CCNG2: variants seen among roughly 807,000 people sequenced by gnomAD.
The protein encoded by CCNG2 is cyclin-G2.
A neutral mutation model predicts 36.5 loss-of-function variants in CCNG2; 20 were observed. The observed-to-expected ratio is 0.55, with a 90% CI of 0.39 to 0.80. CCNG2 has a LOEUF of 0.80. CCNG2 is among the 30% of genes least tolerant of loss of function. CCNG2 has a pLI of 0.00. For synonymous variants in CCNG2, 155 were observed against 140.1 expected, an observed-to-expected ratio of 1.11 and a Z score of -0.75; for missense variants, 358 against 390.8, an observed-to-expected ratio of 0.92 and a Z score of 0.71.
rs1731659514 is a variant in CCNG2, at chr4:77,167,562, G to A, written c.*1638G>A. 6.6e-6 allele frequency: 1 copy of A among 152,210 alleles called. No homozygotes were observed. The highest frequency in any genetic ancestry group is 2.4e-5 in the African/African-American group (1 of 41,454). 9.4% of individuals were successfully genotyped at this position (152,210 alleles called of 1,614,324 possible). On this transcript the variant is annotated 3_prime_UTR_variant, in exon 8 of 8. Coordinates refer to ENST00000316355, the MANE Select transcript of CCNG2 (RefSeq NM_004354.3). Reference sequence around the variant, plus strand: ...AAAGCAAGTTTTAATCAGTTGTTTGGTTAATAAGTATGGGGTGTTCGCTGT... The same window carrying A: ...AAAGCAAGTTTTAATCAGTTGTTTGATTAATAAGTATGGGGTGTTCGCTGT...
At position 77,166,531 on chromosome 4, in the gene CCNG2, G is replaced by T. The variant is rs1731638769; in HGVS notation, c.*607G>T. The T allele has an allele frequency of 6.6e-6, 1 of 152,128 alleles. No individual in the cohort carries two copies. The allele number at this position is 152,128 out of a possible 1,614,324, so 9.4% of individuals were successfully genotyped here. ...TTTATATATGTAATGTCTTAATTGA[G>T]ATTTCTGTTAAGGCAGAAATAATTA... On this transcript the variant is annotated 3_prime_UTR_variant, in exon 8 of 8. Coordinates refer to ENST00000316355, the MANE Select transcript of CCNG2 (RefSeq NM_004354.3).
intron 4 of CCNG2, 74 bp from the exon 5 acceptor site, chr4:77,161,406 C>T: frequency 8.1e-7 from 1 of 1,228,484 alleles, no homozygotes; most frequent in Non-Finnish European, 1.2e-6. Flanking sequence ...CTGGCCCTGG[C>T]AAATATTTAA....
In CCNG2 at chr4:77,160,803, C is replaced by T. The variant is rs1254956011; in HGVS notation, c.359C>T (p.Pro120Leu). ...ARIVEEDCNI[P>L]STHDVIRISQ... ...ATAGTTGAAGAAGACTGCAATATTCCATCCACTCATGATGTGATCCGGATT... is the reference window on the plus strand; with the variant it reads ...ATAGTTGAAGAAGACTGCAATATTCTATCCACTCATGATGTGATCCGGATT... Residue 120 changes from proline to leucine, a missense_variant, in exon 4 of 8, where the codon CCA (proline) becomes CTA (leucine). By Grantham distance (98) the Pro-to-Leu change is moderately conservative (BLOSUM62 -3). Transcript: ENST00000316355. 1.2e-6 allele frequency: 2 copies of T among 1,613,740 alleles called. No homozygotes were observed. Among genetic ancestry groups the T allele is most frequent in the Non-Finnish European group, 1.7e-6 (2 of 1,179,744 alleles).
Position 77,164,481 on chromosome 4 carries a change from T to G in CCNG2, c.911+2T>G, listed in dbSNP as rs921143095. On this transcript the variant is annotated splice_donor_variant, in intron 7 of 7. Coordinates refer to ENST00000316355, the MANE Select transcript of CCNG2 (RefSeq NM_004354.3). LOFTEE classifies it high-confidence loss of function. ...GGGTTGTTTTGATGAAAGTGAAAGG[T>G]AGGCAGGTTCCTTGACTAATTAAAC... The G allele has an allele frequency of 1.9e-6, 3 of 1,611,382 alleles. No individual in the cohort carries two copies. Among genetic ancestry groups the G allele is most frequent in the Non-Finnish European group, 2.5e-6 (3 of 1,177,758 alleles).
chr4:77,162,376 A>ATTTTTTTTTTT (rs35692387), intron 6 of CCNG2, among the ~76,000 whole-genome samples: 1 of 71,450 alleles, frequency 1.4e-5, no homozygotes, highest in Non-Finnish European at 2.6e-5. Context: ...GTACTTTGGG[A>ATTTTTTTTTTT]TTTTTTTTTT....
At position 77,161,695 on chromosome 4, in the gene CCNG2, T is replaced by A; in HGVS notation, c.653T>A (p.Leu218Ter). Reference sequence around the variant, plus strand: ...CTTCTCAATTTGGAAGTGGAAACTTTGAAATCTGTTGAATTACTGGAAATT... The same window carrying A: ...CTTCTCAATTTGGAAGTGGAAACTTAGAAATCTGTTGAATTACTGGAAATT... ...LCLLNLEVET[L>*]KSVELLEILL... is the part of the protein sequence containing the mutation. The change falls in exon 6 of 8, where the codon TTG (leucine) becomes TAG (stop). Residue 218 changes from leucine (L) to a stop codon, truncating the protein, a stop_gained. Coordinates refer to ENST00000316355, the MANE Select transcript of CCNG2 (RefSeq NM_004354.3). LOFTEE classifies it high-confidence loss of function. 1 of 1,610,430 alleles carries A rather than the reference T, an allele frequency of 6.2e-7. No homozygotes were observed. Among genetic ancestry groups the A allele is most frequent in the Non-Finnish European group, 8.5e-7 (1 of 1,178,548 alleles).
chr4:77,159,415 T>A lies in CCNG2; in HGVS notation c.187T>A (p.Leu63Ile). 6.2e-7 allele frequency: 1 copy of A among 1,613,944 alleles called. No homozygotes were observed. The highest frequency in any genetic ancestry group is 2.2e-5 in the East Asian group (1 of 44,840). The part of the protein sequence containing the change: ...PGLRNAKVED[L>I]RSLANFFGSC... Reference sequence around the variant, plus strand: ...ATTGAGAAATGCCAAAGTTGAAGATTTAAGGAGTTTAGCCAACTTTTTTGG... The same window carrying A: ...ATTGAGAAATGCCAAAGTTGAAGATATAAGGAGTTTAGCCAACTTTTTTGG... Residue 63 changes from leucine to isoleucine, a missense_variant, in exon 3 of 8, where the codon TTA (leucine) becomes ATA (isoleucine). Physicochemically the swap from Leu to Ile is conservative, Grantham distance 5. Transcript: ENST00000316355.
rs751045009 is a variant in CCNG2, at chr4:77,160,786, A to G, written c.342A>G (p.Glu114=). The G allele has an allele frequency of 5.6e-6, 9 of 1,613,824 alleles. No homozygotes were observed. Among genetic ancestry groups the G allele is most frequent in the Non-Finnish European group, 7.6e-6 (9 of 1,179,868 alleles). ...TTTTGCTGGCTGCTAGAATAGTTGA[A>G]GAAGACTGCAATATTCCATCCACTC... is the stretch of plus-strand genomic sequence containing the variant. The part of the protein sequence containing the change: ...CSFLLAARIV[E]EDCNIPSTHD... Residue 114 remains glutamate, a synonymous_variant, in exon 4 of 8, where the codon GAA becomes GAG. Transcript: ENST00000316355.
intron 2 of CCNG2, 134 bp downstream of exon 2, chr4:77,158,804 A>G: frequency 1.2e-6 from 1 of 832,196 alleles, no homozygotes; most frequent in Non-Finnish European, 1.9e-6. Context: ...TACCAAGATA[A>G]ACCTTATTAC....
At chr4:77,158,478 T>G in intron 1 of CCNG2, 55 bp from the exon 2 acceptor site, 7 of 1,598,244 alleles carry the variant, frequency 4.4e-6, no homozygotes, top group Non-Finnish European at 6.0e-6. Context: ...TTTCTCCCGC[T>G]TCCCCACCCC....
intron 2 of CCNG2, 121 bp from the exon 3 acceptor site, chr4:77,159,246 A>T: frequency 1.2e-6 from 1 of 829,524 alleles, no homozygotes; most frequent in Non-Finnish European, 1.9e-6. Flanking sequence ...ATTCTTGAAG[A>T]TTGAGGGAAA....
At chr4:77,162,893 G>C (rs1039103144) in intron 6 of CCNG2, among the ~76,000 whole-genome samples, 3 of 151,928 alleles carry the variant, frequency 2.0e-5, no homozygotes, top group African/African-American at 7.3e-5. Context: ...CAGGAGTAAG[G>C]CTGTCCAACT....
In CCNG2 at chr4:77,157,428, A is replaced by G. The variant is rs1361962065; in HGVS notation, c.-79A>G. 2.6e-5 allele frequency: 4 copies of G among 152,204 alleles called. No homozygotes were observed. The East Asian group carries it at 5.8e-4, about 22-fold the overall frequency. 9.4% of individuals were successfully genotyped at this position (152,204 alleles called of 1,614,324 possible). A position where few individuals can be genotyped will look rare whatever the true frequency, so the allele number is the denominator to read the frequency against. ...AGGCGGTGGGTCCCCGACCTGCGAG[A>G]CAGGTTTGGAAGCCCCCGCTGCGCC... On this transcript the variant is annotated 5_prime_UTR_variant, in exon 1 of 8. Transcript: ENST00000316355.
chr4:77,163,425 A>C (rs906425569), intron 6 of CCNG2, among the ~76,000 whole-genome samples: 1 of 152,226 alleles, frequency 6.6e-6, no homozygotes, highest in Admixed American at 6.5e-5. Context: ...GAAGTGGTAG[A>C]AACCAGATTA....
At chr4:77,164,875 C>G (rs1381681808) in intron 7 of CCNG2, 1 of 154,266 alleles carries the variant, frequency 6.5e-6, no homozygotes. Context: ...CCATCTTTCT[C>G]CTATTTCCCT....
intron 6 of CCNG2, among the ~76,000 whole-genome samples, chr4:77,162,008 G>A (rs894495263): frequency 3.3e-5 from 5 of 152,182 alleles, no homozygotes; most frequent in African/African-American, 7.2e-5. Context: ...TGATAGTACA[G>A]CTGTTACATT....
In CCNG2 at chr4:77,166,081, A is replaced by G; in HGVS notation, c.*157A>G. 1.7e-6 allele frequency: 1 copy of G among 601,998 alleles called. No individual in the cohort carries two copies. Among genetic ancestry groups the G allele is most frequent in the Non-Finnish European group, 2.6e-6 (1 of 382,026 alleles). 37.3% of individuals were successfully genotyped at this position (601,998 alleles called of 1,614,324 possible). A position where few individuals can be genotyped will look rare whatever the true frequency, so the allele number is the denominator to read the frequency against. ...TTCAGATCAGATCTGGCCTATTTTC[A>G]TATTTATCCTAAGCCATCAAATGGG... On this transcript the variant is annotated 3_prime_UTR_variant, in exon 8 of 8. Transcript: ENST00000316355.
intron 3 of CCNG2, among the ~76,000 whole-genome samples, chr4:77,160,288 T>C (rs1454411686): frequency 6.6e-6 from 1 of 152,136 alleles, no homozygotes; most frequent in African/African-American, 2.4e-5. Context: ...GTGCTAGGAA[T>C]CTAGCTTTTG....
rs943920334 is a variant in CCNG2, at chr4:77,169,126, T to C, written c.*3202T>C. 3.9e-5 allele frequency: 6 copies of C among 152,232 alleles called. No homozygotes were observed. The highest frequency in any genetic ancestry group is 1.4e-4 in the African/African-American group (6 of 41,454). 9.4% of individuals were successfully genotyped at this position (152,232 alleles called of 1,614,324 possible). On this transcript the variant is annotated 3_prime_UTR_variant, in exon 8 of 8. Transcript: ENST00000316355. Reference sequence around the variant, plus strand: ...AGGTTAACTGTAGAGAGGCATTGGCTTCAGAACACTCCTCGTGACAATTTT... The same window carrying C: ...AGGTTAACTGTAGAGAGGCATTGGCCTCAGAACACTCCTCGTGACAATTTT...
Sources: gnomAD v4.1 joint callset for allele counts (sites outside exome capture counted in the v4.1 genomes callset) on GRCh38, gnomAD v4.1.1 for gene constraint, MANE v1.5 for transcripts, NCBI Gene and HGNC (gene_info 2026-07-23, HGNC 2026-07-21) for gene names.